SLC8A1: variants seen among roughly 807,000 people sequenced by gnomAD.
SLC8A1 encodes the protein sodium/calcium exchanger 1.
SLC8A1 carries 18 observed loss-of-function variants against 68.3 expected under a neutral mutation model. That is an observed-to-expected ratio of 0.26 (90% confidence interval 0.18 to 0.39). SLC8A1 has a LOEUF of 0.39. SLC8A1 is among the 10% of genes least tolerant of loss of function. SLC8A1 has a pLI of 1.00. For missense variants in SLC8A1, 985 were observed against 1,156.7 expected (o/e 0.85, Z 2.15); for synonymous variants, 475 against 415.5 (o/e 1.14, Z -1.74).
intron 2 of SLC8A1, among the ~76,000 whole-genome samples, chr2:40,193,380 G>A (rs541241127): frequency 2.0e-5 from 3 of 152,234 alleles, no homozygotes; most frequent in East Asian, 1.9e-4. Context: ...AGAGGAGTAC[G>A]AATTCACAGC....
At chr2:40,404,582 T>C (rs1045208393) in intron 2 of SLC8A1, among the ~76,000 whole-genome samples, 5 of 152,230 alleles carry the variant, frequency 3.3e-5, no homozygotes, top group Non-Finnish European at 5.9e-5. Context: ...CATCATTTTC[T>C]CACTGGTCTT....
At chr2:40,286,776 A>T (rs2068383680) in intron 2 of SLC8A1, among the ~76,000 whole-genome samples, 1 of 152,218 alleles carries the variant, frequency 6.6e-6, no homozygotes, top group South Asian at 2.1e-4. Context: ...ACTGTGTGAC[A>T]CATGGAGCAA....
chr2:40,412,552 C>T (rs543544953), intron 2 of SLC8A1, among the ~76,000 whole-genome samples: 1 of 152,222 alleles, frequency 6.6e-6, no homozygotes, highest in East Asian at 1.9e-4. Context: ...GGAGGCACTA[C>T]CTTAAGAGCA....
chr2:40,284,412 TAGAG>T (rs1046382564), intron 2 of SLC8A1, among the ~76,000 whole-genome samples: 1 of 147,302 alleles, frequency 6.8e-6, no homozygotes, highest in Non-Finnish European at 1.5e-5. Flanking sequence ...TATATTTATA[TAGAG>T]AGATCTATAT....
intron 2 of SLC8A1, among the ~76,000 whole-genome samples, chr2:40,227,707 TTAATAA>T (rs200239606): frequency 1.3e-5 from 2 of 151,840 alleles, no homozygotes; most frequent in African/African-American, 4.8e-5. Flanking sequence ...ACTTAAAAGT[TTAATAA>T]TAATAATAAT....
At chr2:40,183,934 T>A (rs1240449359) in intron 2 of SLC8A1, among the ~76,000 whole-genome samples, 1 of 152,120 alleles carries the variant, frequency 6.6e-6, no homozygotes, top group Non-Finnish European at 1.5e-5. Context: ...GGTGGGAGGA[T>A]AGCTTGAGTC....
At chr2:40,253,401 A>G (rs1476071091) in intron 2 of SLC8A1, among the ~76,000 whole-genome samples, 2 of 151,852 alleles carry the variant, frequency 1.3e-5, no homozygotes, top group Non-Finnish European at 2.9e-5. Context: ...TTGCAGCAAC[A>G]TGGATGGAAC....
intron 2 of SLC8A1, among the ~76,000 whole-genome samples, chr2:40,421,635 C>T (rs1268831667): frequency 2.0e-5 from 3 of 152,182 alleles, no homozygotes; most frequent in Non-Finnish European, 4.4e-5. Flanking sequence ...TCAGGTTCTG[C>T]TTTTCGTTCT....
intron 2 of SLC8A1, among the ~76,000 whole-genome samples, chr2:40,183,811 C>A (rs1028699690): frequency 4.6e-5 from 7 of 152,128 alleles, no homozygotes; most frequent in African/African-American, 1.7e-4. Flanking sequence ...TAAACCCACT[C>A]CAGATCAGTT....
rs114347026 is a variant in SLC8A1, at chr2:40,281,003, C to G, written c.1809-103148G>C. ...ATCTTTCCTGGTGGACTGTAGCCTACTAGAAGCAGGCTGATACATCTTTGT... is the reference window on the plus strand; with the variant it reads ...ATCTTTCCTGGTGGACTGTAGCCTAGTAGAAGCAGGCTGATACATCTTTGT... On this transcript the variant is annotated intron_variant, in intron 2 of 7. Coordinates refer to ENST00000406785, the Ensembl canonical transcript of SLC8A1. 8.8e-3 allele frequency among the ~76,000 whole-genome samples: 1,347 copies of G among 152,324 alleles called. 9 individuals are homozygous for G. The highest frequency in any genetic ancestry group is 0.012 in the Admixed American group (180 of 15,306).
chr2:40,285,368 G>C (rs2068145331), intron 2 of SLC8A1, among the ~76,000 whole-genome samples: 1 of 152,132 alleles, frequency 6.6e-6, no homozygotes, highest in East Asian at 1.9e-4. Context: ...CTGTGTAAAA[G>C]ACAAGAGCAT....
intron 2 of SLC8A1, among the ~76,000 whole-genome samples, chr2:40,346,783 G>A (rs12613022): frequency 0.33 from 50,634 of 151,802 alleles, 9,251 homozygotes; most frequent in East Asian, 0.62. Context: ...TAAAGGAAAG[G>A]GAAAAAAGTC....
chr2:40,346,047 TAAA>T (rs774555210), intron 2 of SLC8A1, among the ~76,000 whole-genome samples: 15 of 41,696 alleles, frequency 3.6e-4, no homozygotes, highest in African/African-American at 1.4e-3. Flanking sequence ...ACATTAACAG[TAAA>T]AAAAAAAAAA....
chr2:40,395,672 A>T (rs1245639417), intron 2 of SLC8A1, among the ~76,000 whole-genome samples: 1 of 152,194 alleles, frequency 6.6e-6, no homozygotes, highest in Non-Finnish European at 1.5e-5. Flanking sequence ...CTAAAGTGGA[A>T]CTGCAGGATT....
Position 40,463,887 on chromosome 2 carries a change from C to CACACACACACACACACACACACACACAT in SLC8A1, c.-24-33584_-24-33583insATGTGTGTGTGTGTGTGTGTGTGTGTGT, listed in dbSNP as rs796954298. Among the ~76,000 whole-genome samples the CACACACACACACACACACACACACACAT allele has an allele frequency of 7.4e-5, 8 of 108,614 alleles. No individual in the cohort carries two copies. The East Asian group carries it at 1.3e-3, about 18-fold the overall frequency. The allele number at this position is 108,614 out of a possible 152,430, so 71.3% of individuals were successfully genotyped here. On this transcript the variant is annotated intron_variant, in intron 1 of 7. Transcript: ENST00000402441. ...ACACACACACACACACACACACACA[C>CACACACACACACACACACACACACACAT]ATATATATATAGAGAGAGAGACAGA...
chr2:40,319,008 G>A (rs1396090805), intron 2 of SLC8A1, among the ~76,000 whole-genome samples: 2 of 152,080 alleles, frequency 1.3e-5, no homozygotes, highest in East Asian at 3.9e-4. Flanking sequence ...CAACTGGAAA[G>A]CTTTCAACTC....
chr2:40,209,471 A>T (rs1482369643), intron 2 of SLC8A1, among the ~76,000 whole-genome samples: 1 of 152,140 alleles, frequency 6.6e-6, no homozygotes, highest in Admixed American at 6.5e-5. Context: ...CACATGGGCC[A>T]TGTAGACTCT....
chr2:40,256,677 C>T (rs1335216744), intron 2 of SLC8A1, among the ~76,000 whole-genome samples: 1 of 151,696 alleles, frequency 6.6e-6, no homozygotes, highest in Non-Finnish European at 1.5e-5. Flanking sequence ...CTAAGCCAGG[C>T]AATGGAGGGC....
At chr2:40,197,701 A>G (rs1420657837) in intron 2 of SLC8A1, among the ~76,000 whole-genome samples, 1 of 151,940 alleles carries the variant, frequency 6.6e-6, no homozygotes, top group African/African-American at 2.4e-5. Context: ...GGTTATTCCA[A>G]GTGAAACTGC....
Sources: allele counts gnomAD v4.1 joint callset (sites outside exome capture counted in the v4.1 genomes callset), GRCh38; gene constraint gnomAD v4.1.1; transcripts MANE v1.5; gene names NCBI Gene and HGNC (gene_info 2026-07-23, HGNC 2026-07-21).